The following ATXN7L1 variants were observed in gnomAD, a reference collection of about 807,000 sequenced individuals.
ATXN7L1 encodes the protein ataxin-7-like protein 1.
A neutral mutation model predicts 70.8 loss-of-function variants in ATXN7L1; 15 were observed. The ratio of observed to expected loss-of-function variants is 0.21; its 90% CI spans 0.14 to 0.33. The LOEUF is 0.33. ATXN7L1 is among the 10% of genes least tolerant of loss of function. The pLI is 1.00. For synonymous variants in ATXN7L1, 440 were observed against 445.1 expected (o/e 0.99, Z 0.14); for missense variants, 975 against 1,097.1 (o/e 0.89, Z 1.57).
intron 2 of ATXN7L1, among the ~76,000 whole-genome samples, chr7:105,806,154 G>A (rs1330909962): frequency 6.6e-6 from 1 of 152,068 alleles, no homozygotes; most frequent in East Asian, 1.9e-4. Flanking sequence ...CAGGTTACAT[G>A]GTGCTAGAGA....
chr7:105,679,296 C>T (rs1176131512), intron 3 of ATXN7L1: 1 of 296,416 alleles, frequency 3.4e-6, no homozygotes, highest in Non-Finnish European at 5.0e-6. Flanking sequence ...ACCACACACA[C>T]AAGGTGTGGT....
intron 4 of ATXN7L1, among the ~76,000 whole-genome samples, chr7:105,647,982 C>T (rs995560285): frequency 1.3e-5 from 2 of 152,138 alleles, no homozygotes; most frequent in African/African-American, 4.8e-5. Flanking sequence ...AAATTGGAGC[C>T]CATCAGAAAC....
At chr7:105,803,605 T>A (rs1023146339) in intron 2 of ATXN7L1, among the ~76,000 whole-genome samples, 2 of 152,174 alleles carry the variant, frequency 1.3e-5, no homozygotes, top group Non-Finnish European at 2.9e-5. Context: ...TAACTGTGCA[T>A]TGGAATCTTT....
At chr7:105,737,428 A>G (rs1475228968) in intron 3 of ATXN7L1, among the ~76,000 whole-genome samples, 1 of 152,234 alleles carries the variant, frequency 6.6e-6, no homozygotes, top group Non-Finnish European at 1.5e-5. Flanking sequence ...AGATACTCTT[A>G]TAATCCTCAT....
intron 3 of ATXN7L1, among the ~76,000 whole-genome samples, chr7:105,719,689 T>A (rs912808366): frequency 2.0e-5 from 3 of 152,144 alleles, no homozygotes; most frequent in Non-Finnish European, 4.4e-5. Context: ...TGATACCTAT[T>A]CAAATAGGGG....
intron 3 of ATXN7L1, among the ~76,000 whole-genome samples, chr7:105,709,244 G>A (rs544701649): frequency 6.6e-6 from 1 of 152,282 alleles, no homozygotes; most frequent in Admixed American, 6.5e-5. Context: ...TGAGGCAGGA[G>A]AATTGCTTGA....
intron 2 of ATXN7L1, among the ~76,000 whole-genome samples, chr7:105,836,175 G>A (rs1230779712): frequency 6.6e-6 from 1 of 152,184 alleles, no homozygotes. Context: ...ACTGGGCTAT[G>A]GGGGACCAGA....
chr7:105,837,998 G>A (rs374263002), intron 2 of ATXN7L1, among the ~76,000 whole-genome samples: 72 of 152,294 alleles, frequency 4.7e-4, no homozygotes, highest in African/African-American at 1.7e-3. Context: ...CTTCTCCCTC[G>A]GAAAATAGCT....
intron 2 of ATXN7L1, among the ~76,000 whole-genome samples, chr7:105,790,978 T>C (rs1010433841): frequency 6.6e-6 from 1 of 152,194 alleles, no homozygotes; most frequent in African/African-American, 2.4e-5. Flanking sequence ...ACCACGATCC[T>C]AGGCCAGAAG....
chr7:105,858,503 C>T (rs1314172803), intron 2 of ATXN7L1, among the ~76,000 whole-genome samples: 1 of 152,170 alleles, frequency 6.6e-6, no homozygotes, highest in African/African-American at 2.4e-5. Flanking sequence ...GAGGATTCCA[C>T]AAAATTTCCT....
At chr7:105,795,624 C>A (rs1437068202) in intron 2 of ATXN7L1, among the ~76,000 whole-genome samples, 1 of 152,164 alleles carries the variant, frequency 6.6e-6, no homozygotes, top group Non-Finnish European at 1.5e-5. Flanking sequence ...TTGATTCCTC[C>A]CTTTTGCAAG....
chr7:105,840,055 C>G (rs956721908), intron 2 of ATXN7L1, among the ~76,000 whole-genome samples: 4 of 152,086 alleles, frequency 2.6e-5, no homozygotes, highest in Admixed American at 2.6e-4. Flanking sequence ...TCAGAGGAGT[C>G]AGAGGAGAGG....
rs184618578 is a variant in ATXN7L1 at position 105,815,567 on chromosome 7, C to T, written c.251-26859G>A. Among the ~76,000 whole-genome samples, 7 of 152,278 alleles carry T rather than the reference C, an allele frequency of 4.6e-5. No homozygotes were observed. The East Asian group carries it at 9.6e-4, about 21-fold the overall frequency. Reference sequence around the variant, plus strand: ...GCTGAAAACTCTATACCCAACTAACCATTATTCAGACTGAGGGAAGGACAA... The same window carrying T: ...GCTGAAAACTCTATACCCAACTAACTATTATTCAGACTGAGGGAAGGACAA... On this transcript the variant is annotated intron_variant, in intron 2 of 11. Transcript: ENST00000419735.
At chr7:105,858,999 TA>T (rs1225586582) in intron 2 of ATXN7L1, among the ~76,000 whole-genome samples, 2 of 152,060 alleles carry the variant, frequency 1.3e-5, no homozygotes, top group African/African-American at 4.8e-5. Context: ...CCAAATGCAG[TA>T]CATGAACCAT....
chr7:105,852,119 G>A (rs1012615365), intron 2 of ATXN7L1, among the ~76,000 whole-genome samples: 10 of 151,960 alleles, frequency 6.6e-5, no homozygotes, highest in South Asian at 2.1e-4. Context: ...GTTCTATGTC[G>A]TCCATACCCT....
intron 3 of ATXN7L1, among the ~76,000 whole-genome samples, chr7:105,730,701 C>T (rs532690175): frequency 7.9e-5 from 12 of 151,322 alleles, no homozygotes; most frequent in African/African-American, 2.9e-4. Context: ...CAGTGCACTC[C>T]AGCCTGGGCA....
At chr7:105,724,536 T>G (rs930092576) in intron 3 of ATXN7L1, among the ~76,000 whole-genome samples, 1 of 134,784 alleles carries the variant, frequency 7.4e-6, no homozygotes, top group African/African-American at 2.9e-5. Context: ...ATCACGCCAT[T>G]GCACTCCAGC....
intron 3 of ATXN7L1, among the ~76,000 whole-genome samples, chr7:105,758,612 A>G (rs1800103175): frequency 6.6e-6 from 1 of 152,222 alleles, no homozygotes; most frequent in Non-Finnish European, 1.5e-5. Flanking sequence ...CCACTCTGAA[A>G]GGGGGCCCTC....
intron 3 of ATXN7L1, among the ~76,000 whole-genome samples, chr7:105,668,058 A>G (rs1261889624): frequency 6.6e-6 from 1 of 152,172 alleles, no homozygotes; most frequent in Admixed American, 6.5e-5. Context: ...AATAATGAAG[A>G]TACGTTTATT....
Sources: allele counts gnomAD v4.1 joint callset (sites outside exome capture counted in the v4.1 genomes callset), GRCh38; gene constraint gnomAD v4.1.1; transcripts MANE v1.5; gene names NCBI Gene and HGNC (gene_info 2026-07-23, HGNC 2026-07-21).